THRAP3: variants seen among roughly 807,000 people sequenced by gnomAD.
The protein encoded by THRAP3 is thyroid hormone receptor-associated protein 3.
A neutral mutation model predicts 101.0 loss-of-function variants in THRAP3; 16 were observed. The observed-to-expected ratio is 0.16, with a 90% CI of 0.11 to 0.24. The LOEUF is 0.24. Among genes scored for constraint, THRAP3 ranks in the 10% least tolerant of loss-of-function variants. THRAP3 has a pLI of 1.00. For synonymous variants in THRAP3, 407 were observed against 422.6 expected (o/e 0.96, Z 0.45); for missense variants, 989 against 1,202.7 (o/e 0.82, Z 2.63).
In THRAP3 at chr1:36,301,038, T is replaced by C; in HGVS notation, c.2456T>C (p.Phe819Ser). 6.2e-7 allele frequency: 1 copy of C among 1,614,098 alleles called. No homozygotes were observed. Among genetic ancestry groups the C allele is most frequent in the Non-Finnish European group, 8.5e-7 (1 of 1,180,008 alleles). Residue 819 changes from phenylalanine (F) to serine (S), a missense_variant, in exon 10 of 12, where the codon TTT becomes TCT. By Grantham distance (155) the Phe-to-Ser change is radical. Coordinates refer to ENST00000354618, the MANE Select transcript of THRAP3 (RefSeq NM_005119.4). Reference protein sequence around the residue: ...FDKSRLGTKDFVGPSERGGGR... With the variant: ...FDKSRLGTKDSVGPSERGGGR... ...AAATCAAGACTGGGGACCAAAGACT[T>C]TGTGGGTCCAAGTGAAAGAGGAGGT...
chr1:36,228,213 A>G (rs1322776701), intron 1 of THRAP3, among the ~76,000 whole-genome samples: 1 of 148,726 alleles, frequency 6.7e-6, no homozygotes, highest in Non-Finnish European at 1.5e-5. Context: ...ATGCCTGGCT[A>G]ATTTTTGTAT....
chr1:36,284,528 G>C (rs1451707950), intron 3 of THRAP3, among the ~76,000 whole-genome samples: 1 of 152,210 alleles, frequency 6.6e-6, no homozygotes, highest in African/African-American at 2.4e-5. Context: ...TATCTATCCA[G>C]AGAGTTTGAG....
chr1:36,303,216 G>A (rs969245485), intron 11 of THRAP3, among the ~76,000 whole-genome samples: 2 of 150,024 alleles, frequency 1.3e-5, no homozygotes, highest in Non-Finnish European at 3.0e-5. Context: ...TGCCTGCCTC[G>A]GCCTCCCAAA....
chr1:36,293,028 C>CTTTATTTT (rs1645896901), intron 7 of THRAP3, among the ~76,000 whole-genome samples: 1 of 82,800 alleles, frequency 1.2e-5, no homozygotes, highest in Non-Finnish European at 2.2e-5. Context: ...CTTTTCTTGT[C>CTTTATTTT]TTTTTTTTTT....
Position 36,304,156 on chromosome 1 carries a change from G to T in THRAP3, c.*139G>T. On this transcript the variant is annotated 3_prime_UTR_variant, in exon 12 of 12. Transcript: ENST00000354618. ...CACCAGCCGCACAGATTGTACTACC[G>T]CGAGAGGCATCCCTGGCGCTGTCTC... 12 of 1,300,742 alleles carry T rather than the reference G, an allele frequency of 9.2e-6. No homozygotes were observed. Among genetic ancestry groups the T allele is most frequent in the Admixed American group, 3.3e-5 (1 of 30,468 alleles). 80.6% of individuals were successfully genotyped at this position (1,300,742 alleles called of 1,614,324 possible).
At chr1:36,275,209 G>GA (rs1053540882) in intron 2 of THRAP3, among the ~76,000 whole-genome samples, 2 of 149,842 alleles carry the variant, frequency 1.3e-5, no homozygotes, top group African/African-American at 4.9e-5. Flanking sequence ...AGAATGGCAT[G>GA]AATCTGCAAG....
intron 3 of THRAP3, among the ~76,000 whole-genome samples, chr1:36,282,992 A>G (rs1023765109): frequency 2.0e-5 from 3 of 152,210 alleles, no homozygotes; most frequent in Non-Finnish European, 4.4e-5. Flanking sequence ...TCAAATCTCT[A>G]TAGCTGATTA....
chr1:36,228,330 G>A (rs1644986272), intron 1 of THRAP3, among the ~76,000 whole-genome samples: 1 of 152,100 alleles, frequency 6.6e-6, no homozygotes, highest in African/African-American at 2.4e-5. Context: ...CGATTCTCCA[G>A]CCTCAGCATC....
chr1:36,243,148 TTTC>T (rs1205785085), intron 1 of THRAP3, among the ~76,000 whole-genome samples: 4 of 131,028 alleles, frequency 3.1e-5, no homozygotes, highest in African/African-American at 9.3e-5. Flanking sequence ...TGTGAGGAAC[TTTC>T]TTTTTTTTTT....
At chr1:36,274,215 A>G (rs1453915902) in intron 2 of THRAP3, among the ~76,000 whole-genome samples, 1 of 152,188 alleles carries the variant, frequency 6.6e-6, no homozygotes, top group African/African-American at 2.4e-5. Context: ...TAGCAACAAA[A>G]TAATATATTT....
chr1:36,223,166 T>C (rs1453966756), upstream of THRAP3, among the ~76,000 whole-genome samples: 2 of 151,798 alleles, frequency 1.3e-5, no homozygotes, highest in African/African-American at 2.4e-5. Context: ...TCAATTAAAT[T>C]AGAACGTTTT....
intron 1 of THRAP3, among the ~76,000 whole-genome samples, chr1:36,252,619 A>G (rs1645316351): frequency 6.6e-6 from 1 of 152,040 alleles, no homozygotes; most frequent in Non-Finnish European, 1.5e-5. Flanking sequence ...TCAAAATACA[A>G]TAATCAGGCT....
chr1:36,278,387 A>G (rs1291380301), intron 2 of THRAP3, among the ~76,000 whole-genome samples: 1 of 152,234 alleles, frequency 6.6e-6, no homozygotes. Flanking sequence ...TTGACCGTAA[A>G]TGTAAGGATA....
chr1:36,236,696 C>A (rs1021067967), intron 1 of THRAP3, among the ~76,000 whole-genome samples: 1 of 152,184 alleles, frequency 6.6e-6, no homozygotes, highest in Non-Finnish European at 1.5e-5. Flanking sequence ...TTCCGAATTT[C>A]CTTTGTCATT....
intron 2 of THRAP3, among the ~76,000 whole-genome samples, chr1:36,278,061 CCTTT>C (rs1645684133): frequency 1.5e-5 from 2 of 132,810 alleles, no homozygotes; most frequent in Non-Finnish European, 3.2e-5. Flanking sequence ...GCCCAGCCCC[CCTTT>C]TTTTTTTTTT....
chr1:36,209,173 T>C, the THRAP3 span, among the ~76,000 whole-genome samples: 1 of 151,880 alleles, frequency 6.6e-6, no homozygotes, highest in Non-Finnish European at 1.5e-5. Context: ...AGATGGGATC[T>C]TGCTATATTG....
chr1:36,301,149 A>G (rs1646026098), intron 10 of THRAP3, 65 bp downstream of exon 10: 3 of 1,502,778 alleles, frequency 2.0e-6, no homozygotes, highest in African/African-American at 2.8e-5. Flanking sequence ...ATCACGTTTC[A>G]TCAGAATACC....
the THRAP3 span, among the ~76,000 whole-genome samples, chr1:36,211,869 G>T: frequency 6.6e-6 from 1 of 152,170 alleles, no homozygotes; most frequent in African/African-American, 2.4e-5. Flanking sequence ...AATGCTGCCG[G>T]TTCCAGTCTC....
chr1:36,301,129 A>C, intron 10 of THRAP3, 45 bp downstream of exon 10: 1 of 1,579,666 alleles, frequency 6.3e-7, no homozygotes, highest in Middle Eastern at 1.7e-4. Context: ...CCTTGCTCCT[A>C]CCAGCTTTGA....
Sources: allele counts gnomAD v4.1 joint callset (sites outside exome capture counted in the v4.1 genomes callset), GRCh38; gene constraint gnomAD v4.1.1; transcripts MANE v1.5; gene names NCBI Gene and HGNC (gene_info 2026-07-23, HGNC 2026-07-21).